Variants in ECE1 observed in about 807,000 individuals in gnomAD.
ECE1 encodes the protein endothelin-converting enzyme 1.
ECE1 carries 35 observed loss-of-function variants against 98.6 expected under a neutral mutation model. That is an observed-to-expected ratio of 0.35 (90% CI 0.27 to 0.47). ECE1 has a LOEUF of 0.47. ECE1 is among the 20% of genes least tolerant of loss of function. The pLI is 1.00. For synonymous variants in ECE1, 394 were observed against 407.1 expected (o/e 0.97, Z 0.39); for missense variants, 814 against 1,025.3 (o/e 0.79, Z 2.81).
intron 1 of ECE1, among the ~76,000 whole-genome samples, chr1:21,306,298 C>T (rs915193753): frequency 6.6e-6 from 1 of 151,666 alleles, no homozygotes; most frequent in Non-Finnish European, 1.5e-5. Flanking sequence ...TGAGTGCTTA[C>T]TGTGTGCCAC....
Position 21,319,553 on chromosome 1 carries a change from C to T in ECE1, c.3+25823G>A, listed in dbSNP as rs1638916363. Among the ~76,000 whole-genome samples the T allele has an allele frequency of 6.6e-6, 1 of 152,180 alleles. No individual in the cohort carries two copies. Among genetic ancestry groups the T allele is most frequent in the Admixed American group, 6.5e-5 (1 of 15,276 alleles). On this transcript the variant is annotated intron_variant, in intron 1 of 18. Coordinates refer to the ECE1 transcript ENST00000415912. The surrounding 1 kb of genome is among the most constrained non-coding windows in gnomAD (Gnocchi z 4.4). ...GACTCCCTCTGCTGCCCCCAATCTGCTTCTCAGACTTTCTGCTCCTGGCCT... is the reference window on the plus strand; with the variant it reads ...GACTCCCTCTGCTGCCCCCAATCTGTTTCTCAGACTTTCTGCTCCTGGCCT...
In ECE1 at chr1:21,290,113, A is replaced by G; in HGVS notation, c.95T>C (p.Val32Ala). Residue 32 changes from valine to alanine, a missense_variant, in exon 2 of 19, where the codon GTG becomes GCG. Around this residue, in one of 3 missense-constraint regions of ECE1, gnomAD observed 257 missense variants for 278.9 expected, o/e 0.92. Coordinates refer to ENST00000374893, the MANE Select transcript of ECE1 (RefSeq NM_001397.3). This position sits in a 1 kb window ranked among gnomAD's most constrained non-coding sequence, Gnocchi z 7.3. ...TGCGTCGCCCTCGGAGAGCGAGTCC[A>G]CCAGGTCCTCCTCGTCCAGCGTGGC... is the stretch of plus-strand genomic sequence containing the variant. ...KRATLDEEDL[V>A]DSLSEGDAYP... is the part of the protein sequence containing the mutation. 1.3e-6 allele frequency: 2 copies of G among 1,556,546 alleles called. No individual in the cohort carries two copies. The highest frequency in any genetic ancestry group is 1.7e-6 in the Non-Finnish European group (2 of 1,152,170).
intron 1 of ECE1, among the ~76,000 whole-genome samples, chr1:21,333,609 A>T (rs1320727414): frequency 6.6e-6 from 1 of 152,136 alleles, no homozygotes; most frequent in Non-Finnish European, 1.5e-5. Flanking sequence ...GAGGCAGGCA[A>T]ATTACTTGAG....
intron 1 of ECE1, among the ~76,000 whole-genome samples, chr1:21,328,740 G>A (rs1436700121): frequency 7.7e-6 from 1 of 130,140 alleles, no homozygotes; most frequent in Admixed American, 9.2e-5. Context: ...TCCAGCCTGA[G>A]CAACAAGAGC....
intron 3 of ECE1, among the ~76,000 whole-genome samples, chr1:21,277,002 G>A (rs1050428465): frequency 2.0e-5 from 3 of 152,180 alleles, no homozygotes; most frequent in Non-Finnish European, 2.9e-5. Context: ...ACAGGCGTAA[G>A]CTACTGCGCC....
intron 11 of ECE1, among the ~76,000 whole-genome samples, 175 bp from the exon 12 acceptor site, chr1:21,237,019 C>T (rs1233476151): frequency 1.3e-5 from 2 of 152,146 alleles, no homozygotes; most frequent in Non-Finnish European, 2.9e-5. Context: ...ACGTGAACAC[C>T]CTGCAAGACA....
At chr1:21,281,083 G>T (rs931000370) in intron 2 of ECE1, among the ~76,000 whole-genome samples, 1 of 152,106 alleles carries the variant, frequency 6.6e-6, no homozygotes, top group Admixed American at 6.5e-5. Flanking sequence ...CCAGCTACTC[G>T]GGAGGCTGAG....
chr1:21,343,559 A>G (rs1257375463), intron 1 of ECE1, among the ~76,000 whole-genome samples: 1 of 152,268 alleles, frequency 6.6e-6, no homozygotes, highest in Non-Finnish European at 1.5e-5. Context: ...GCAGTACTGA[A>G]GCAAAGCACT....
At position 21,245,104 on chromosome 1, in the gene ECE1, C is replaced by G; in HGVS notation, c.1164-1G>C. On this transcript the variant is annotated splice_acceptor_variant, in intron 9 of 18. Coordinates refer to ENST00000374893, the MANE Select transcript of ECE1 (RefSeq NM_001397.3). LOFTEE classifies it high-confidence loss of function. Reference sequence around the variant, plus strand: ...CCAGATCATGTAGTTGTTGAGCAGGCTGCGGGGAGAGGAGGCCAGAGAGGC... The same window carrying G: ...CCAGATCATGTAGTTGTTGAGCAGGGTGCGGGGAGAGGAGGCCAGAGAGGC... 6.2e-7 allele frequency: 1 copy of G among 1,613,892 alleles called. No homozygotes were observed. The highest frequency in any genetic ancestry group is 8.5e-7 in the Non-Finnish European group (1 of 1,179,810).
chr1:21,327,544 A>G lies in ECE1; in HGVS notation c.3+17832T>C, dbSNP rs213031. Among the ~76,000 whole-genome samples, 82,549 of 151,992 alleles carry G rather than the reference A, an allele frequency of 0.54. 23,854 individuals carry two copies. The highest frequency in any genetic ancestry group is 0.76 in the African/African-American group (31,451 of 41,472). On this transcript the variant is annotated intron_variant, in intron 1 of 18. Coordinates refer to the ECE1 transcript ENST00000415912. The surrounding 1 kb of genome is among the most constrained non-coding windows in gnomAD (Gnocchi z 4.6). ...GCTCCCTGCTGACACCCCTTCGAGA[A>G]CCGGGAGACCTCCACCCTGCTTGTT...
chr1:21,250,251 T>C (rs771164320), intron 8 of ECE1, among the ~76,000 whole-genome samples: 7 of 152,248 alleles, frequency 4.6e-5, no homozygotes, highest in Non-Finnish European at 8.8e-5. Flanking sequence ...TGTGATTGGC[T>C]TATTTCGCTT....
In ECE1 at chr1:21,245,115, G is replaced by A. The variant is rs746731558; in HGVS notation, c.1164-12C>T. ...AGTTGTTGAGCAGGCTGCGGGGAGA[G>A]GAGGCCAGAGAGGCTCAGGGACACC... is the stretch of plus-strand genomic sequence containing the variant. On this transcript the variant is annotated splice_polypyrimidine_tract_variant and intron_variant, in intron 9 of 18. Coordinates refer to ENST00000374893, the MANE Select transcript of ECE1 (RefSeq NM_001397.3). 2 of 1,611,438 alleles carry A rather than the reference G, an allele frequency of 1.2e-6. No individual in the cohort carries two copies. Among genetic ancestry groups the A allele is most frequent in the Non-Finnish European group, 1.7e-6 (2 of 1,177,708 alleles).
chr1:21,314,674 ACTGT>A (rs1638796504), intron 1 of ECE1, among the ~76,000 whole-genome samples: 2 of 152,302 alleles, frequency 1.3e-5, no homozygotes, highest in African/African-American at 2.4e-5. Context: ...GAACTTCCTG[ACTGT>A]CCTGGCTCAC....
chr1:21,263,367 T>TA (rs1459119117), intron 4 of ECE1, among the ~76,000 whole-genome samples: 54 of 151,636 alleles, frequency 3.6e-4, no homozygotes, highest in South Asian at 1.2e-3. Context: ...ATTTATTTTT[T>TA]TTTTTTTTGA....
rs1240576765 is a variant in ECE1, at chr1:21,218,730, G to A, written c.*1225C>T. 1.3e-5 allele frequency: 2 copies of A among 152,188 alleles called. No homozygotes were observed. The highest frequency in any genetic ancestry group is 2.9e-5 in the Non-Finnish European group (2 of 68,080). 9.4% of individuals were successfully genotyped at this position (152,188 alleles called of 1,614,324 possible). ...GCCTCCCGAGTAACTGGGATTACAG[G>A]TGCCCACCACCACTCCCGGCTAATT... is the stretch of plus-strand genomic sequence containing the variant. On this transcript the variant is annotated 3_prime_UTR_variant, in exon 19 of 19. Coordinates refer to ENST00000374893, the MANE Select transcript of ECE1 (RefSeq NM_001397.3). The surrounding 1 kb of genome is among the most constrained non-coding windows in gnomAD (Gnocchi z 4.0).
intron 3 of ECE1, among the ~76,000 whole-genome samples, chr1:21,275,049 T>C (rs926642940): frequency 6.6e-6 from 1 of 152,102 alleles, no homozygotes; most frequent in African/African-American, 2.4e-5. Context: ...ACTCCATACT[T>C]AGAGAAGGAA....
chr1:21,227,149 G>A lies in ECE1; in HGVS notation c.1849+10C>T, dbSNP rs763645781. On this transcript the variant is annotated intron_variant, in intron 16 of 18. Transcript: ENST00000374893. Reference sequence around the variant, plus strand: ...AGGCATGAGCCATCGTGCCCAGCTGGAATTCGTACCTTGATCATCAAAAGC... The same window carrying A: ...AGGCATGAGCCATCGTGCCCAGCTGAAATTCGTACCTTGATCATCAAAAGC... 1 of 1,613,836 alleles carries A rather than the reference G, an allele frequency of 6.2e-7. No homozygotes were observed. The highest frequency in any genetic ancestry group is 2.2e-5 in the East Asian group (1 of 44,870).
intron 2 of ECE1, among the ~76,000 whole-genome samples, chr1:21,283,002 C>T (rs1186572089): frequency 2.1e-5 from 3 of 145,204 alleles, no homozygotes; most frequent in Non-Finnish European, 3.0e-5. Context: ...AGTGCAGTGC[C>T]GCCATCTCGG....
chr1:21,278,853 T>C (rs899118808), intron 3 of ECE1, among the ~76,000 whole-genome samples: 1 of 152,192 alleles, frequency 6.6e-6, no homozygotes, highest in Non-Finnish European at 1.5e-5. Context: ...ATGGGACATA[T>C]GTTATCTCTA....
Sources: gnomAD v4.1 joint callset for allele counts (sites outside exome capture counted in the v4.1 genomes callset) on GRCh38, gnomAD v4.1.1 for gene constraint, gnomAD v4.1.1 regional missense constraint, Gnocchi (gnomAD v3.1) non-coding constraint, MANE v1.5 for transcripts, NCBI Gene and HGNC (gene_info 2026-07-23, HGNC 2026-07-21) for gene names.